Variants in WNT3A observed in about 807,000 individuals in gnomAD.
WNT3A encodes protein Wnt-3a.
A neutral mutation model predicts 37.0 loss-of-function variants in WNT3A; 17 were observed. The observed-to-expected ratio is 0.46, with a 90% confidence interval of 0.31 to 0.69. WNT3A has a LOEUF of 0.69. Ranked by LOEUF, WNT3A falls within the 30% of genes least tolerant of loss-of-function variation. WNT3A has a pLI of 0.05. For missense variants in WNT3A, 411 were observed against 510.2 expected (o/e 0.81, Z 1.87); for synonymous variants, 187 against 211.0 (o/e 0.89, Z 0.99).
Position 228,059,012 on chromosome 1 carries a change from G to A in WNT3A, c.606G>A (p.Lys202=). ...RQAIASHMHL[K]CKCHGLSGSC... The stretch of plus-strand genomic sequence containing the variant: ...CCATCGCCAGCCACATGCACCTCAA[G>A]TGCAAGTGCCACGGGCTGTCGGGCA... Residue 202 remains lysine, a synonymous_variant, in exon 4 of 4, where the codon AAG becomes AAA. Transcript: ENST00000284523. 6.2e-7 allele frequency: 1 copy of A among 1,612,854 alleles called. No individual in the cohort carries two copies. Among genetic ancestry groups the A allele is most frequent in the South Asian group, 1.1e-5 (1 of 91,030 alleles).
intron 2 of WNT3A, among the ~76,000 whole-genome samples, chr1:228,032,436 G>A (rs906931698): frequency 1.3e-5 from 2 of 152,184 alleles, no homozygotes; most frequent in Non-Finnish European, 2.9e-5. Flanking sequence ...AAACCTGATG[G>A]CAACTCCAGC....
intron 2 of WNT3A, among the ~76,000 whole-genome samples, chr1:228,040,969 T>C (rs1356092796): frequency 1.6e-5 from 2 of 128,440 alleles, no homozygotes; most frequent in East Asian, 4.8e-4. Flanking sequence ...ATGGTAGATA[T>C]TTTATATATA....
chr1:228,035,114 G>A lies in WNT3A; in HGVS notation c.313+12206G>A, dbSNP rs569519725. 8.5e-5 allele frequency among the ~76,000 whole-genome samples: 13 copies of A among 152,276 alleles called. No homozygotes were observed. In the East Asian group the frequency reaches 1.4e-3, roughly 16 times the overall value. Reference sequence around the variant, plus strand: ...ACCTAAGGACAATGGTGCATGACTCGGGGAATCCCAGGAGGGCTTCCCAGG... The same window carrying A: ...ACCTAAGGACAATGGTGCATGACTCAGGGAATCCCAGGAGGGCTTCCCAGG... On this transcript the variant is annotated intron_variant, in intron 2 of 3. Coordinates refer to ENST00000284523, the MANE Select transcript of WNT3A (RefSeq NM_033131.4).
chr1:228,041,798 C>T (rs1457385229), intron 2 of WNT3A, among the ~76,000 whole-genome samples: 1 of 152,180 alleles, frequency 6.6e-6, no homozygotes, highest in Non-Finnish European at 1.5e-5. Flanking sequence ...CCAACAAAGC[C>T]TCCCACCAGA....
intron 1 of WNT3A, among the ~76,000 whole-genome samples, chr1:228,017,258 G>T (rs1182753891): frequency 6.6e-6 from 1 of 152,194 alleles, no homozygotes; most frequent in Admixed American, 6.5e-5. Context: ...CTGCCCAGCA[G>T]GTGGAGGCCA....
intron 1 of WNT3A, among the ~76,000 whole-genome samples, chr1:228,013,628 G>A (rs567093000): frequency 1.1e-4 from 16 of 152,272 alleles, no homozygotes; most frequent in African/African-American, 3.8e-4. Flanking sequence ...GAGGGACCTG[G>A]GGGCCTTAAG....
chr1:228,022,282 AC>A (rs2030725819), intron 1 of WNT3A, among the ~76,000 whole-genome samples: 1 of 152,064 alleles, frequency 6.6e-6, no homozygotes. Context: ...ACATAGCAGG[AC>A]CTTGTCTCTA....
intron 3 of WNT3A, among the ~76,000 whole-genome samples, chr1:228,058,599 C>A (rs2031727366): frequency 6.6e-6 from 1 of 152,238 alleles, no homozygotes; most frequent in Non-Finnish European, 1.5e-5. Flanking sequence ...CTCTGGGCAG[C>A]GTGCCTGAGT....
chr1:228,017,173 A>T (rs2030557692), intron 1 of WNT3A, among the ~76,000 whole-genome samples: 4 of 152,190 alleles, frequency 2.6e-5, no homozygotes, highest in Admixed American at 2.6e-4. Flanking sequence ...GGGAGGTCCC[A>T]GTGCCACCTA....
At chr1:228,054,076 G>A (rs2031616897) in intron 3 of WNT3A, among the ~76,000 whole-genome samples, 1 of 152,102 alleles carries the variant, frequency 6.6e-6, no homozygotes, top group South Asian at 2.1e-4. Context: ...GAGCTAAGGG[G>A]CCCACCAAGG....
intron 3 of WNT3A, among the ~76,000 whole-genome samples, chr1:228,055,179 A>AAAAAT (rs2031655964): frequency 1.6e-4 from 3 of 19,290 alleles, no homozygotes; most frequent in African/African-American, 6.6e-4. Context: ...AAAAAAAAAA[A>AAAAAT]ATATATATAT....
Position 228,007,918 on chromosome 1 carries a change from A to G in WNT3A, c.71+719A>G, listed in dbSNP as rs1194756283. On this transcript the variant is annotated intron_variant, in intron 1 of 3. Coordinates refer to ENST00000284523, the MANE Select transcript of WNT3A (RefSeq NM_033131.4). The surrounding 1 kb of genome is among the most constrained non-coding windows in gnomAD (Gnocchi z 6.0). The stretch of plus-strand genomic sequence containing the variant: ...GGTGTGAGGGGCTCCAGGACCCTCA[A>G]TCAGAAAGCGCTGTGCTGCGCCCTC... 6.6e-6 allele frequency among the ~76,000 whole-genome samples: 1 copy of G among 152,208 alleles called. No individual in the cohort carries two copies. Among genetic ancestry groups the G allele is most frequent in the East Asian group, 1.9e-4 (1 of 5,178 alleles).
chr1:228,010,701 C>T (rs763450727), intron 1 of WNT3A, among the ~76,000 whole-genome samples: 2 of 152,242 alleles, frequency 1.3e-5, no homozygotes, highest in African/African-American at 2.4e-5. Flanking sequence ...GTTGTCCCAG[C>T]GAAGTGCAGT....
rs145164012 is a variant in WNT3A at position 228,037,245 on chromosome 1, AC to A, written c.314-13406del. 3.2e-4 allele frequency among the ~76,000 whole-genome samples: 48 copies of A among 150,362 alleles called. No homozygotes were observed. The highest frequency in any genetic ancestry group is 9.3e-4 in the Admixed American group (14 of 15,122). On this transcript the variant is annotated intron_variant, in intron 2 of 3. Coordinates refer to ENST00000284523, the MANE Select transcript of WNT3A (RefSeq NM_033131.4). The surrounding 1 kb of genome is among the most constrained non-coding windows in gnomAD (Gnocchi z 4.1). ...CCCTCTTCAAGCATTTCCAGTCCCC[AC>A]CCCCTGCCCTATTCTGTGAACCCCA...
intron 1 of WNT3A, among the ~76,000 whole-genome samples, chr1:228,012,065 AT>A (rs1283853608): frequency 1.3e-5 from 2 of 152,368 alleles, no homozygotes; most frequent in African/African-American, 4.8e-5. Flanking sequence ...TTTGCTTCGC[AT>A]AAGCCTCCTA....
At chr1:228,046,600 T>C (rs573350990) in intron 2 of WNT3A, among the ~76,000 whole-genome samples, 133 of 150,592 alleles carry the variant, frequency 8.8e-4, no homozygotes, top group Admixed American at 1.5e-3. Flanking sequence ...GTGGGGTATG[T>C]GCATGCATGT....
chr1:228,028,270 G>A (rs2030902652), intron 2 of WNT3A, among the ~76,000 whole-genome samples: 2 of 149,650 alleles, frequency 1.3e-5, no homozygotes, highest in African/African-American at 4.9e-5. Flanking sequence ...TGGCTATTTG[G>A]GATCTTTTTT....
At chr1:228,024,079 A>G (rs2030797639) in intron 2 of WNT3A, among the ~76,000 whole-genome samples, 1 of 152,170 alleles carries the variant, frequency 6.6e-6, no homozygotes, top group Admixed American at 6.5e-5. Context: ...CGTGGTCTCC[A>G]CCTTTTGGCT....
rs189235103 is a variant in WNT3A, at chr1:228,007,272, G to A, written c.71+73G>A. The stretch of plus-strand genomic sequence containing the variant: ...GCAGCAGACGGTCCCCTCGGGCAGG[G>A]ACCCCGCGGTGGCCCGAGCCCGCGC... On this transcript the variant is annotated intron_variant, in intron 1 of 3. Transcript: ENST00000284523. The surrounding 1 kb of genome is among the most constrained non-coding windows in gnomAD (Gnocchi z 6.0). 7.1e-4 allele frequency: 1,058 copies of A among 1,488,706 alleles called. 18 individuals are homozygous for A. In the East Asian group the frequency reaches 0.022, roughly 31 times the overall value. 92.2% of individuals were successfully genotyped at this position (1,488,706 alleles called of 1,614,324 possible).
Sources: allele counts gnomAD v4.1 joint callset (sites outside exome capture counted in the v4.1 genomes callset), GRCh38; gene constraint gnomAD v4.1.1; non-coding constraint Gnocchi (gnomAD v3.1); transcripts MANE v1.5; gene names NCBI Gene and HGNC (gene_info 2026-07-23, HGNC 2026-07-21).